The following MAP4K5 variants were observed in gnomAD, a reference collection of about 807,000 sequenced individuals.
MAP4K5 encodes the protein mitogen-activated protein kinase kinase kinase kinase 5, also known as MAPK/ERK kinase kinase kinase 5.
MAP4K5 carries 82 observed loss-of-function variants against 135.6 expected under a neutral mutation model. The observed-to-expected ratio is 0.60, with a 90% CI of 0.51 to 0.73. The LOEUF (loss-of-function observed/expected upper bound fraction) is 0.73. Ranked by LOEUF, MAP4K5 falls within the 30% of genes least tolerant of loss-of-function variation. The pLI is 0.00. For synonymous variants in MAP4K5, 347 were observed against 335.0 expected, an observed-to-expected ratio of 1.04 and a Z score of -0.39; for missense variants, 907 against 1,010.9, an observed-to-expected ratio of 0.90 and a Z score of 1.39.
At chr14:50,437,672 A>G (rs912425801) in intron 25 of MAP4K5, 138 bp from the exon 26 acceptor site, 26 of 669,180 alleles carry the variant, frequency 3.9e-5, no homozygotes, top group Non-Finnish European at 5.9e-5. Flanking sequence ...ATCTCATCTT[A>G]TAGGACTGAG....
chr14:50,455,624 C>T (rs1273973450), intron 14 of MAP4K5, among the ~76,000 whole-genome samples: 1 of 152,004 alleles, frequency 6.6e-6, no homozygotes, highest in Non-Finnish European at 1.5e-5. Context: ...AGTTTTAAAG[C>T]TATGTCCAGA....
At chr14:50,519,206 A>C (rs1342120381) in intron 2 of MAP4K5, among the ~76,000 whole-genome samples, 15 of 152,034 alleles carry the variant, frequency 9.9e-5, no homozygotes, top group Admixed American at 9.2e-4. Context: ...GCACGTTATC[A>C]AATATACATC....
intron 3 of MAP4K5, 23 bp downstream of exon 3, chr14:50,504,777 G>A: frequency 6.7e-7 from 1 of 1,502,402 alleles, no homozygotes; most frequent in Non-Finnish European, 9.0e-7. Flanking sequence ...CTCAAAAATT[G>A]TCTTGAGGGT....
intron 28 of MAP4K5, 63 bp from the exon 29 acceptor site, chr14:50,429,323 A>G: frequency 1.0e-6 from 1 of 969,092 alleles, no homozygotes; most frequent in Non-Finnish European, 1.6e-6. Context: ...GAAAATAAAC[A>G]TAAATTCTGA....
chr14:50,549,652 A>C (rs2038677118), intron 1 of MAP4K5, among the ~76,000 whole-genome samples: 1 of 152,192 alleles, frequency 6.6e-6, no homozygotes, highest in South Asian at 2.1e-4. Flanking sequence ...AAGAATATAT[A>C]ATGATCAGAG....
chr14:50,560,029 A>C, intron 1 of MAP4K5: 4 of 584,528 alleles, frequency 6.8e-6, no homozygotes, highest in Middle Eastern at 4.7e-4. Flanking sequence ...TGAGGTAGGG[A>C]GGGTGTGACG....
At chr14:50,533,266 G>A (rs2038444873), upstream of MAP4K5, 1 of 152,098 alleles carries the variant, frequency 6.6e-6, no homozygotes, top group Non-Finnish European at 1.5e-5. Flanking sequence ...AAACAAAGGG[G>A]TCACAGACTG....
intron 13 of MAP4K5, among the ~76,000 whole-genome samples, 183 bp downstream of exon 13, chr14:50,462,482 C>T (rs1257622222): frequency 6.6e-6 from 1 of 151,902 alleles, no homozygotes; most frequent in Non-Finnish European, 1.5e-5. Flanking sequence ...GGTTATACCA[C>T]AATAAAAAAG....
At chr14:50,497,988 G>A (rs571704723) in intron 3 of MAP4K5, among the ~76,000 whole-genome samples, 2 of 152,240 alleles carry the variant, frequency 1.3e-5, no homozygotes, top group African/African-American at 2.4e-5. Flanking sequence ...CATAAAAGAG[G>A]GGTAATGGAA....
intron 16 of MAP4K5, among the ~76,000 whole-genome samples, chr14:50,446,834 A>G (rs2036364108): frequency 6.6e-6 from 1 of 152,242 alleles, no homozygotes. Context: ...GCATAGTTAT[A>G]TTCTAACAAA....
intron 1 of MAP4K5, among the ~76,000 whole-genome samples, chr14:50,544,969 A>G (rs1413166951): frequency 6.7e-6 from 1 of 150,066 alleles, no homozygotes; most frequent in Non-Finnish European, 1.5e-5. Flanking sequence ...AAAAGAAGCC[A>G]ACTATAATGT....
At chr14:50,463,116 G>A (rs1341997803) in intron 12 of MAP4K5, among the ~76,000 whole-genome samples, 1 of 151,944 alleles carries the variant, frequency 6.6e-6, no homozygotes, top group Non-Finnish European at 1.5e-5. Flanking sequence ...TGAATACTGT[G>A]GTATGGTACA....
At chr14:50,432,408 C>T (rs1191621769) in intron 28 of MAP4K5, among the ~76,000 whole-genome samples, 1 of 152,114 alleles carries the variant, frequency 6.6e-6, no homozygotes, top group Non-Finnish European at 1.5e-5. Context: ...TCTTTACTCC[C>T]TCAGGAAGTA....
chr14:50,482,554 G>A, intron 5 of MAP4K5, 138 bp from the exon 6 acceptor site: 2 of 552,354 alleles, frequency 3.6e-6, no homozygotes, highest in Non-Finnish European at 6.4e-6. Flanking sequence ...CAAGGCAGGC[G>A]GATCACGAGG....
intron 3 of MAP4K5, among the ~76,000 whole-genome samples, chr14:50,496,921 C>T (rs1328380814): frequency 6.6e-6 from 1 of 152,036 alleles, no homozygotes; most frequent in Non-Finnish European, 1.5e-5. Context: ...AGCAAAATTA[C>T]AATGTAAAAA....
chr14:50,534,582 C>G (rs557626153), upstream of MAP4K5, among the ~76,000 whole-genome samples: 14 of 152,296 alleles, frequency 9.2e-5, no homozygotes, highest in South Asian at 2.9e-3. Flanking sequence ...CAACAAGACC[C>G]TGGAGTGCGG....
At position 50,446,113 on chromosome 14, in the gene MAP4K5, G is replaced by A; in HGVS notation, c.1151C>T (p.Ser384Leu). Residue 384 changes from serine (S) to leucine (L), a missense_variant, in exon 17 of 33, where the codon TCA becomes TTA. By Grantham distance (145) the Ser-to-Leu change is moderately radical (BLOSUM62 -2). Coordinates refer to ENST00000682126, the MANE Select transcript of MAP4K5 (RefSeq NM_006575.6). ...VDGANTGKST[S>L]KRAIPPPLPP... Reference sequence around the variant, plus strand: ...TAGGGGAGGTGGTATTGCACGTTTTGAGGTTGATCTAATACAAAGAAGAAA... The same window carrying A: ...TAGGGGAGGTGGTATTGCACGTTTTAAGGTTGATCTAATACAAAGAAGAAA... 3 of 1,572,566 alleles carry A rather than the reference G, an allele frequency of 1.9e-6. No homozygotes were observed. Among genetic ancestry groups the A allele is most frequent in the Non-Finnish European group, 2.6e-6 (3 of 1,162,152 alleles).
Position 50,480,200 on chromosome 14 carries a change from A to G in MAP4K5, c.378+2161T>C, listed in dbSNP as rs141757709. On this transcript the variant is annotated intron_variant, in intron 6 of 32. Transcript: ENST00000682126. Reference sequence around the variant, plus strand: ...ATTTTTGTGGGTACATAGTAGGTATATATTTATGGGGAATTTATTTGGTAC... The same window carrying G: ...ATTTTTGTGGGTACATAGTAGGTATGTATTTATGGGGAATTTATTTGGTAC... 9.2e-5 allele frequency among the ~76,000 whole-genome samples: 14 copies of G among 151,904 alleles called. No homozygotes were observed. The East Asian group carries it at 2.7e-3, about 29-fold the overall frequency.
At chr14:50,546,546 TAAAC>T (rs1052115457) in intron 1 of MAP4K5, among the ~76,000 whole-genome samples, 16 of 152,232 alleles carry the variant, frequency 1.1e-4, no homozygotes, top group African/African-American at 3.6e-4. Context: ...TAATCTTTAA[TAAAC>T]AAGCTGGATT....
Sources: allele counts gnomAD v4.1 joint callset (sites outside exome capture counted in the v4.1 genomes callset), GRCh38; gene constraint gnomAD v4.1.1; transcripts MANE v1.5; gene names NCBI Gene and HGNC (gene_info 2026-07-23, HGNC 2026-07-21).